Variants in DNAJB8 observed in about 807,000 individuals in gnomAD.
DNAJB8 encodes the protein dnaJ homolog subfamily B member 8.
For missense variants in DNAJB8, 354 were observed against 318.9 expected, an observed-to-expected ratio of 1.11 and a Z score of -0.84; for synonymous variants, 127 against 127.1, an observed-to-expected ratio of 1.00 and a Z score of 0.00.
In DNAJB8 at chr3:128,462,743, G is replaced by T; in HGVS notation, c.503C>A (p.Ser168Tyr). ...GCTGCCAGAACTGGAGCCCCCGAAGGAGGTGGATGAGAAGGTGGTGTGGCT... is the reference window on the plus strand; with the variant it reads ...GCTGCCAGAACTGGAGCCCCCGAAGTAGGTGGATGAGAAGGTGGTGTGGCT... ...GGSHTTFSST[S>Y]FGGSSSGSSG... is the part of the protein sequence containing the mutation. Residue 168 changes from serine (S) to tyrosine (Y), a missense_variant, in exon 3 of 3, where the codon TCC becomes TAC. By Grantham distance (144) the Ser-to-Tyr change is moderately radical. Coordinates refer to ENST00000319153, the MANE Select transcript of DNAJB8 (RefSeq NM_153330.6). 1 of 1,614,154 alleles carries T rather than the reference G, an allele frequency of 6.2e-7. No homozygotes were observed. Among genetic ancestry groups the T allele is most frequent in the Non-Finnish European group, 8.5e-7 (1 of 1,180,036 alleles).
chr3:128,462,763 G>A lies in DNAJB8; in HGVS notation c.483C>T (p.His161=). 1 of 1,614,120 alleles carries A rather than the reference G, an allele frequency of 6.2e-7. No individual in the cohort carries two copies. Among genetic ancestry groups the A allele is most frequent in the Non-Finnish European group, 8.5e-7 (1 of 1,180,030 alleles). ...CGAAGGAGGTGGATGAGAAGGTGGT[G>A]TGGCTGCCCCCGCTGCAGCCCAGCA... ...FNMLGCSGGS[H]TTFSSTSFGG... is the part of the protein sequence containing the mutation. Residue 161 remains histidine, a synonymous_variant, in exon 3 of 3, where the codon CAC becomes CAT. Coordinates refer to ENST00000319153, the MANE Select transcript of DNAJB8 (RefSeq NM_153330.6).
At position 128,463,074 on chromosome 3, in the gene DNAJB8, C is replaced by T. The variant is rs1559978308; in HGVS notation, c.172G>A (p.Asp58Asn). 5 of 1,614,234 alleles carry T rather than the reference C, an allele frequency of 3.1e-6. No homozygotes were observed. Among genetic ancestry groups the T allele is most frequent in the Non-Finnish European group, 4.2e-6 (5 of 1,180,048 alleles). Residue 58 changes from aspartate to asparagine, a missense_variant, in exon 3 of 3, where the codon GAC (aspartate) becomes AAC (asparagine). Asp to Asn is a conservative substitution (Grantham distance 23, BLOSUM62 1). Coordinates refer to ENST00000319153, the MANE Select transcript of DNAJB8 (RefSeq NM_153330.6). ...TCATACAGGGAGCGTTTCTTGGAGT[C>T]AGACAGAACCTCATAGGCCTCAGAC... Reference protein sequence around the residue: ...LVSEAYEVLSDSKKRSLYDRA... With the variant: ...LVSEAYEVLSNSKKRSLYDRA...
rs571508874 is a variant in DNAJB8, at chr3:128,466,638, T to A, written c.-1051A>T. 6.6e-6 allele frequency: 1 copy of A among 152,414 alleles called. No homozygotes were observed. Among genetic ancestry groups the A allele is most frequent in the East Asian group, 1.9e-4 (1 of 5,186 alleles). The allele number at this position is 152,414 out of a possible 1,614,324, so 9.4% of individuals were successfully genotyped here. A position where few individuals can be genotyped will look rare whatever the true frequency, so the allele number is the denominator to read the frequency against. On this transcript the variant is annotated 5_prime_UTR_variant, in exon 1 of 3. Coordinates refer to ENST00000319153, the MANE Select transcript of DNAJB8 (RefSeq NM_153330.6). ...CCTCTTCCATGGTCTCCTTGCATCC[T>A]GGAGAAATCTGAGGGATTTTCCAGA...
At position 128,462,862 on chromosome 3, in the gene DNAJB8, A is replaced by G. The variant is rs1339260282; in HGVS notation, c.384T>C (p.His128=). The G allele has an allele frequency of 6.8e-6, 11 of 1,614,060 alleles. No homozygotes were observed. Among genetic ancestry groups the G allele is most frequent in the East Asian group, 2.2e-5 (1 of 44,894 alleles). Residue 128 remains histidine, a synonymous_variant, in exon 3 of 3, where the codon CAT becomes CAC. Coordinates refer to ENST00000319153, the MANE Select transcript of DNAJB8 (RefSeq NM_153330.6). ...CTGCCGAGAAGGCCCCCCTCAGGCC[A>G]TGGCCCCGGCCACCACGGTCACTAT... ...PFNSDRGGRG[H]GLRGAFSAGF...
chr3:128,463,044 C>G lies in DNAJB8; in HGVS notation c.202G>C (p.Ala68Pro). 6.2e-7 allele frequency: 1 copy of G among 1,614,188 alleles called. No homozygotes were observed. The highest frequency in any genetic ancestry group is 2.2e-5 in the East Asian group (1 of 44,872). ...DSKKRSLYDRAGCDSWRAGGG... is the reference protein window; with the variant it reads ...DSKKRSLYDRPGCDSWRAGGG... ...CCAGCCCGCCAGCTGTCACAGCCAGCACGGTCATACAGGGAGCGTTTCTTG... is the reference window on the plus strand; with the variant it reads ...CCAGCCCGCCAGCTGTCACAGCCAGGACGGTCATACAGGGAGCGTTTCTTG... Residue 68 changes from alanine (A) to proline (P), a missense_variant, in exon 3 of 3, where the codon GCT (alanine) becomes CCT (proline). By Grantham distance (27) the Ala-to-Pro change is conservative. Transcript: ENST00000319153.
intron 2 of DNAJB8, 64 bp from the exon 3 acceptor site, chr3:128,464,174 G>GC (rs1199729188): frequency 6.6e-6 from 1 of 152,620 alleles, no homozygotes; most frequent in Admixed American, 6.5e-5. Context: ...TTGAATGGTG[G>GC]CCCCCAAAAA....
At chr3:128,465,113 C>G (rs754859680) in intron 2 of DNAJB8, among the ~76,000 whole-genome samples, 163 bp downstream of exon 2, 8 of 152,052 alleles carry the variant, frequency 5.3e-5, no homozygotes, top group Admixed American at 2.0e-4. Context: ...GTTTCAGGCT[C>G]CTAGCAGGGG....
rs1430866041 is a variant in DNAJB8 at position 128,462,719 on chromosome 3, C to A, written c.527G>T (p.Ser176Ile). 1.2e-6 allele frequency: 2 copies of A among 1,614,112 alleles called. No individual in the cohort carries two copies. Among genetic ancestry groups the A allele is most frequent in the East Asian group, 2.2e-5 (1 of 44,884 alleles). The change falls in exon 3 of 3, where the codon AGC becomes ATC. Residue 176 changes from serine to isoleucine, a missense_variant. By Grantham distance (142) the Ser-to-Ile change is moderately radical. Coordinates refer to ENST00000319153, the MANE Select transcript of DNAJB8 (RefSeq NM_153330.6). The stretch of plus-strand genomic sequence containing the variant: ...CGACATCACCGACTTGAACCCCGAG[C>A]TGCCAGAACTGGAGCCCCCGAAGGA... ...STSFGGSSSGSSGFKSVMSST... is the reference protein window; with the variant it reads ...STSFGGSSSGISGFKSVMSST...
Position 128,463,020 on chromosome 3 carries a change from C to A in DNAJB8, c.226G>T (p.Gly76Cys). 1 of 1,614,190 alleles carries A rather than the reference C, an allele frequency of 6.2e-7. No homozygotes were observed. Among genetic ancestry groups the A allele is most frequent in the Non-Finnish European group, 8.5e-7 (1 of 1,179,998 alleles). The change falls in exon 3 of 3, where the codon GGT (glycine) becomes TGT (cysteine). Residue 76 changes from glycine (G) to cysteine (C), a missense_variant. Transcript: ENST00000319153. ...DRAGCDSWRA[G>C]GGASTPYHSP... ...TGGTAGGGCGTGCTGGCCCCGCCAC[C>A]AGCCCGCCAGCTGTCACAGCCAGCA...
In DNAJB8 at chr3:128,466,871, GC is replaced by G. The variant is rs2068518046; in HGVS notation, c.-1285del. On this transcript the variant is annotated 5_prime_UTR_variant, in exon 1 of 3. Transcript: ENST00000319153. ...CCGTGAGCTCCTCAGCAGCTCCCAGGCAAGCTCTAGAGAGCCGCTCACCTGG... is the reference window on the plus strand; with the variant it reads ...CCGTGAGCTCCTCAGCAGCTCCCAGGAAGCTCTAGAGAGCCGCTCACCTGG... 1 of 152,214 alleles carries G rather than the reference GC, an allele frequency of 6.6e-6. No homozygotes were observed. The highest frequency in any genetic ancestry group is 2.4e-5 in the African/African-American group (1 of 41,452). The allele number at this position is 152,214 out of a possible 1,614,324, so 9.4% of individuals were successfully genotyped here.
At position 128,463,293 on chromosome 3, in the gene DNAJB8, C is replaced by T. The variant is rs748306517; in HGVS notation, c.-48G>A. Reference sequence around the variant, plus strand: ...AGAGGGAACGTGGAGGCCAGGTGGGCGCAGGGGCCCAGCTGGTCAGATGGA... The same window carrying T: ...AGAGGGAACGTGGAGGCCAGGTGGGTGCAGGGGCCCAGCTGGTCAGATGGA... On this transcript the variant is annotated 5_prime_UTR_variant, in exon 3 of 3. Coordinates refer to ENST00000319153, the MANE Select transcript of DNAJB8 (RefSeq NM_153330.6). The T allele has an allele frequency of 1.9e-5, 29 of 1,537,826 alleles. No homozygotes were observed. The South Asian group carries it at 2.2e-4, about 12-fold the overall frequency.
rs1435907907 is a variant in DNAJB8 at position 128,462,821 on chromosome 3, G to A, written c.425C>T (p.Pro142Leu). 5.6e-6 allele frequency: 9 copies of A among 1,613,988 alleles called. No individual in the cohort carries two copies. The highest frequency in any genetic ancestry group is 1.7e-5 in the Admixed American group (1 of 60,006). ...GGATGAGAAGGCCTCCATGAAGGCC[G>A]GAAATTCTCCAAAGCCTGCCGAGAA... ...GAFSAGFGEF[P>L]AFMEAFSSFN... The change falls in exon 3 of 3, where the codon CCG (proline) becomes CTG (leucine). Residue 142 changes from proline (P) to leucine (L), a missense_variant. Physicochemically the swap from Pro to Leu is moderately conservative, Grantham distance 98 (BLOSUM62 -3). Coordinates refer to ENST00000319153, the MANE Select transcript of DNAJB8 (RefSeq NM_153330.6).
In DNAJB8 at chr3:128,463,096, A is replaced by G. The variant is rs1335985164; in HGVS notation, c.150T>C (p.Ser50=). The G allele has an allele frequency of 6.2e-7, 1 of 1,614,228 alleles. No homozygotes were observed. Among genetic ancestry groups the G allele is most frequent in the Non-Finnish European group, 8.5e-7 (1 of 1,180,038 alleles). The part of the protein sequence containing the change: ...EEAEKKFKLV[S]EAYEVLSDSK... ...AGTCAGACAGAACCTCATAGGCCTCAGACACCAGCTTGAACTTCTTCTCCG... is the reference window on the plus strand; with the variant it reads ...AGTCAGACAGAACCTCATAGGCCTCGGACACCAGCTTGAACTTCTTCTCCG... The change falls in exon 3 of 3, where the codon TCT becomes TCC. Residue 50 remains serine, a synonymous_variant. Transcript: ENST00000319153.
At chr3:128,465,100 TA>T (rs2068502141) in intron 2 of DNAJB8, among the ~76,000 whole-genome samples, 175 bp downstream of exon 2, 1 of 152,038 alleles carries the variant, frequency 6.6e-6, no homozygotes, top group Non-Finnish European at 1.5e-5. Context: ...TCATGGGTGC[TA>T]GGTTTCAGGC....
Position 128,466,836 on chromosome 3 carries a change from T to C in DNAJB8, c.-1249A>G, listed in dbSNP as rs2068517650. ...CAGGCTGAGGCATGGATGGGGAGCT[T>C]CCTGGAATACCGTGAGCTCCTCAGC... On this transcript the variant is annotated 5_prime_UTR_variant, in exon 1 of 3. Transcript: ENST00000319153. 2 of 152,090 alleles carry C rather than the reference T, an allele frequency of 1.3e-5. No homozygotes were observed. Among genetic ancestry groups the C allele is most frequent in the Admixed American group, 6.5e-5 (1 of 15,280 alleles). 9.4% of individuals were successfully genotyped at this position (152,090 alleles called of 1,614,324 possible).
In DNAJB8 at chr3:128,463,196, T is replaced by C. The variant is rs1463700968; in HGVS notation, c.50A>G (p.Glu17Gly). 6.2e-7 allele frequency: 1 copy of C among 1,614,010 alleles called. No homozygotes were observed. The highest frequency in any genetic ancestry group is 8.5e-7 in the Non-Finnish European group (1 of 1,180,022). ...VLGVQASASP[E>G]DIKKAYRKLA... Reference sequence around the variant, plus strand: ...CTTGCGGTAGGCTTTCTTGATGTCCTCCGGGGAAGCGCTGGCCTGCACGCC... The same window carrying C: ...CTTGCGGTAGGCTTTCTTGATGTCCCCCGGGGAAGCGCTGGCCTGCACGCC... The change falls in exon 3 of 3, where the codon GAG becomes GGG. Residue 17 changes from glutamate (E) to glycine (G), a missense_variant. Glu to Gly is a moderately conservative substitution (Grantham distance 98). Transcript: ENST00000319153.
In DNAJB8 at chr3:128,463,060, G is replaced by A. The variant is rs1183070991; in HGVS notation, c.186C>T (p.Arg62=). ...CACAGCCAGCACGGTCATACAGGGA[G>A]CGTTTCTTGGAGTCAGACAGAACCT... ...AYEVLSDSKK[R]SLYDRAGCDS... Residue 62 remains arginine (R), a synonymous_variant, in exon 3 of 3, where the codon CGC becomes CGT. Coordinates refer to ENST00000319153, the MANE Select transcript of DNAJB8 (RefSeq NM_153330.6). 7 of 1,614,260 alleles carry A rather than the reference G, an allele frequency of 4.3e-6. No individual in the cohort carries two copies. In the South Asian group the frequency reaches 7.7e-5, roughly 18 times the overall value.
intron 2 of DNAJB8, among the ~76,000 whole-genome samples, chr3:128,464,377 G>A (rs1489864460): frequency 1.3e-5 from 2 of 152,226 alleles, no homozygotes; most frequent in Non-Finnish European, 2.9e-5. Context: ...GGCCAGGAGG[G>A]TTCTCCCTGC....
rs2068483146 is a variant in DNAJB8, at chr3:128,463,200, G to A, written c.46C>T (p.Pro16Ser). ...CGGTAGGCTTTCTTGATGTCCTCCG[G>A]GGAAGCGCTGGCCTGCACGCCCAGC... ...EVLGVQASAS[P>S]EDIKKAYRKL... The change falls in exon 3 of 3, where the codon CCG becomes TCG. Residue 16 changes from proline to serine, a missense_variant. By Grantham distance (74) the Pro-to-Ser change is moderately conservative (BLOSUM62 -1). Transcript: ENST00000319153. 2 of 1,614,102 alleles carry A rather than the reference G, an allele frequency of 1.2e-6. No homozygotes were observed. Among genetic ancestry groups the A allele is most frequent in the Admixed American group, 1.7e-5 (1 of 60,022 alleles).
Sources: allele counts gnomAD v4.1 joint callset (sites outside exome capture counted in the v4.1 genomes callset), GRCh38; gene constraint gnomAD v4.1.1; transcripts MANE v1.5; gene names NCBI Gene and HGNC (gene_info 2026-07-23, HGNC 2026-07-21).